The following SFSWAP variants were observed in gnomAD, a reference collection of about 807,000 sequenced individuals.
SFSWAP encodes splicing factor, suppressor of white-apricot homolog.
Under a neutral mutation model 100.7 loss-of-function variants are expected in SFSWAP, and 17 were observed. The observed-to-expected ratio is 0.17, with a 90% CI of 0.12 to 0.25. SFSWAP has a LOEUF of 0.25. Ranked by LOEUF, SFSWAP falls within the 10% of genes least tolerant of loss-of-function variation. The pLI is 1.00. For synonymous variants in SFSWAP, 504 were observed against 510.1 expected, an observed-to-expected ratio of 0.99 and a Z score of 0.16; for missense variants, 1,005 against 1,262.6, an observed-to-expected ratio of 0.80 and a Z score of 3.09.
intron 14 of SFSWAP, among the ~76,000 whole-genome samples, chr12:131,783,224 C>T (rs1395879963): frequency 6.1e-5 from 9 of 148,704 alleles, no homozygotes; most frequent in Admixed American, 4.0e-4. Flanking sequence ...CTTTTATTGT[C>T]TGTTTTCATT....
intron 7 of SFSWAP, among the ~76,000 whole-genome samples, chr12:131,744,788 A>G (rs4964991): frequency 0.16 from 24,999 of 152,206 alleles, 2,354 homozygotes; most frequent in South Asian, 0.28. Flanking sequence ...AAGAGGTTTA[A>G]TGGACTTAAC....
intron 11 of SFSWAP, among the ~76,000 whole-genome samples, chr12:131,763,284 T>G (rs1882830247): frequency 6.6e-6 from 1 of 152,206 alleles, no homozygotes; most frequent in African/African-American, 2.4e-5. Context: ...AGAAGCGGCC[T>G]TGTTTACCCA....
At chr12:131,781,228 CTTA>C (rs200223221) in intron 14 of SFSWAP, among the ~76,000 whole-genome samples, 13 of 98,788 alleles carry the variant, frequency 1.3e-4, no homozygotes, top group African/African-American at 2.7e-4. Context: ...GCAAATATAT[CTTA>C]TTATTTTTTT....
At position 131,733,363 on chromosome 12, in the gene SFSWAP, G is replaced by A. The variant is rs1476601816; in HGVS notation, c.1081+4935G>A. ...CTATAAGGCGCCTTTCACATTGAGG[G>A]TCTTAGGATTTGCAGTCCAGCTTTG... On this transcript the variant is annotated intron_variant, in intron 7 of 17. Coordinates refer to ENST00000261674, the MANE Select transcript of SFSWAP (RefSeq NM_004592.4). The surrounding 1 kb of genome is among the most constrained non-coding windows in gnomAD (Gnocchi z 5.1). 1.3e-5 allele frequency among the ~76,000 whole-genome samples: 2 copies of A among 152,166 alleles called. No individual in the cohort carries two copies. Among genetic ancestry groups the A allele is most frequent in the Non-Finnish European group, 2.9e-5 (2 of 68,024 alleles).
At position 131,794,248 on chromosome 12, in the gene SFSWAP, A is replaced by C. The variant is rs1885474734; in HGVS notation, c.2535-2930A>C. 6.6e-6 allele frequency among the ~76,000 whole-genome samples: 1 copy of C among 151,610 alleles called. No individual in the cohort carries two copies. The highest frequency in any genetic ancestry group is 1.5e-5 in the Non-Finnish European group (1 of 67,876). Reference sequence around the variant, plus strand: ...TGCTTTGCTGAGCAAAAGCAGCCAGACACAGGCCAGCCACAGTGGCTCACA... The same window carrying C: ...TGCTTTGCTGAGCAAAAGCAGCCAGCCACAGGCCAGCCACAGTGGCTCACA... On this transcript the variant is annotated intron_variant, in intron 15 of 17. Coordinates refer to ENST00000261674, the MANE Select transcript of SFSWAP (RefSeq NM_004592.4). The surrounding 1 kb of genome is among the most constrained non-coding windows in gnomAD (Gnocchi z 4.8).
intron 7 of SFSWAP, among the ~76,000 whole-genome samples, chr12:131,750,442 T>G (rs1002339956): frequency 2.0e-5 from 3 of 152,144 alleles, no homozygotes; most frequent in Non-Finnish European, 2.9e-5. Context: ...CAGGTGTGTG[T>G]GGGGAAGAGG....
chr12:131,778,213 G>T lies in SFSWAP; in HGVS notation c.2291G>T (p.Arg764Ile). ...AAGAAAAAGAAAAAGCACAAAAAAA[G>T]ATCTCGAACAAGATCACGTTCTCCC... Reference protein sequence around the residue: ...KEKKKKKHKKRSRTRSRSPKY... With the variant: ...KEKKKKKHKKISRTRSRSPKY... The change falls in exon 14 of 18, where the codon AGA (arginine) becomes ATA (isoleucine). Residue 764 changes from arginine to isoleucine, a missense_variant. By Grantham distance (97) the Arg-to-Ile change is moderately conservative. Transcript: ENST00000261674. The surrounding 1 kb of genome is among the most constrained non-coding windows in gnomAD (Gnocchi z 4.2). 6.2e-7 allele frequency: 1 copy of T among 1,614,080 alleles called. No individual in the cohort carries two copies. The highest frequency in any genetic ancestry group is 8.5e-7 in the Non-Finnish European group (1 of 1,180,008).
At chr12:131,796,856 T>G in intron 15 of SFSWAP, 1 of 243,810 alleles carries the variant, frequency 4.1e-6, no homozygotes, top group Non-Finnish European at 7.8e-6. Flanking sequence ...TTTGGAAATT[T>G]TTATTGATGA....
At chr12:131,787,747 G>A (rs373642212) in intron 15 of SFSWAP, among the ~76,000 whole-genome samples, 3 of 152,140 alleles carry the variant, frequency 2.0e-5, no homozygotes, top group East Asian at 1.9e-4. Flanking sequence ...ACACTGCCTA[G>A]CCACAAGGCA....
chr12:131,722,950 A>G (rs1205607067), intron 4 of SFSWAP, among the ~76,000 whole-genome samples: 1 of 152,208 alleles, frequency 6.6e-6, no homozygotes, highest in African/African-American at 2.4e-5. Context: ...TCCTGTCTCA[A>G]AAAAATAAAA....
At chr12:131,782,138 A>G (rs376708181) in intron 14 of SFSWAP, among the ~76,000 whole-genome samples, 6 of 152,232 alleles carry the variant, frequency 3.9e-5, no homozygotes, top group African/African-American at 9.6e-5. Context: ...CATATTCTCT[A>G]TGACAAAAGA....
Position 131,734,143 on chromosome 12 carries a change from C to T in SFSWAP, c.1081+5715C>T, listed in dbSNP as rs577354487. On this transcript the variant is annotated intron_variant, in intron 7 of 17. Coordinates refer to ENST00000261674, the MANE Select transcript of SFSWAP (RefSeq NM_004592.4). This position sits in a 1 kb window ranked among gnomAD's most constrained non-coding sequence, Gnocchi z 4.9. Reference sequence around the variant, plus strand: ...GCATCAGAGCCTCTGCTGTGGTGGACGCCAGGTGGCCCCTGGCACAGAGAG... The same window carrying T: ...GCATCAGAGCCTCTGCTGTGGTGGATGCCAGGTGGCCCCTGGCACAGAGAG... Among the ~76,000 whole-genome samples, 23 of 152,324 alleles carry T rather than the reference C, an allele frequency of 1.5e-4. No individual in the cohort carries two copies. Among genetic ancestry groups the T allele is most frequent in the African/African-American group, 3.8e-4 (16 of 41,570 alleles).
At chr12:131,773,232 C>T (rs142892372) in intron 13 of SFSWAP, among the ~76,000 whole-genome samples, 95 of 152,262 alleles carry the variant, frequency 6.2e-4, no homozygotes, top group African/African-American at 1.8e-3. Context: ...AGTGTGTGTT[C>T]GTAATCCAGG....
At chr12:131,776,329 A>ACACC (rs1439544317) in intron 13 of SFSWAP, among the ~76,000 whole-genome samples, 1 of 152,134 alleles carries the variant, frequency 6.6e-6, no homozygotes, top group Non-Finnish European at 1.5e-5. Context: ...TGCCCGCCGC[A>ACACC]CACCCACAAC....
At chr12:131,743,199 T>C (rs1038313296) in intron 7 of SFSWAP, among the ~76,000 whole-genome samples, 3 of 152,150 alleles carry the variant, frequency 2.0e-5, no homozygotes, top group African/African-American at 7.2e-5. Context: ...TCCTCACATT[T>C]CAAAACCAGT....
intron 11 of SFSWAP, among the ~76,000 whole-genome samples, chr12:131,761,066 C>G (rs1308985803): frequency 6.6e-6 from 1 of 152,116 alleles, no homozygotes; most frequent in African/African-American, 2.4e-5. Flanking sequence ...AGCGAAACTC[C>G]GTCTCAAAGT....
At position 131,787,873 on chromosome 12, in the gene SFSWAP, T is replaced by A. The variant is rs919921963; in HGVS notation, c.2534+1285T>A. ...CGTTGACAAGATGTGATTTTTTTCT[T>A]AAAACAGAAAAATTAGCAAAGGAAC... is the stretch of plus-strand genomic sequence containing the variant. On this transcript the variant is annotated intron_variant, in intron 15 of 17. Transcript: ENST00000261674. Among the ~76,000 whole-genome samples the A allele has an allele frequency of 7.9e-5, 12 of 152,162 alleles. 1 individual carries two copies. The highest frequency in any genetic ancestry group is 4.6e-4 in the Admixed American group (7 of 15,280).
At position 131,734,872 on chromosome 12, in the gene SFSWAP, C is replaced by T. The variant is rs1009604785; in HGVS notation, c.1081+6444C>T. ...ATGACGGAGCTGCTGCTGCTGCAGC[C>T]GCAGATACCATCTCAGCCGGCATGG... On this transcript the variant is annotated intron_variant, in intron 7 of 17. Coordinates refer to ENST00000261674, the MANE Select transcript of SFSWAP (RefSeq NM_004592.4). This position sits in a 1 kb window ranked among gnomAD's most constrained non-coding sequence, Gnocchi z 4.9. 6.8e-6 allele frequency among the ~76,000 whole-genome samples: 1 copy of T among 147,136 alleles called. No individual in the cohort carries two copies. Among genetic ancestry groups the T allele is most frequent in the Non-Finnish European group, 1.5e-5 (1 of 67,628 alleles).
chr12:131,737,055 A>C (rs1389757026), intron 7 of SFSWAP, among the ~76,000 whole-genome samples: 1 of 152,210 alleles, frequency 6.6e-6, no homozygotes, highest in African/African-American at 2.4e-5. Context: ...CAGTTTTAGT[A>C]GTAGCAAAAG....
Sources: allele counts gnomAD v4.1 joint callset (sites outside exome capture counted in the v4.1 genomes callset), GRCh38; gene constraint gnomAD v4.1.1; non-coding constraint Gnocchi (gnomAD v3.1); transcripts MANE v1.5; gene names NCBI Gene and HGNC (gene_info 2026-07-23, HGNC 2026-07-21).